The following AARS1 variants were observed in gnomAD, a reference collection of about 807,000 sequenced individuals.
AARS1 encodes alanine--tRNA ligase, cytoplasmic.
In AARS1, 72 loss-of-function variants were observed where a neutral mutation model predicts 108.9. The observed-to-expected ratio is 0.66, with a 90% CI of 0.55 to 0.80. AARS1 has a LOEUF of 0.80. Among genes scored for constraint, AARS1 ranks in the 30% least tolerant of loss-of-function variants. AARS1 has a pLI of 0.00. For synonymous variants in AARS1, 489 were observed against 465.7 expected (o/e 1.05, Z -0.64); for missense variants, 1,193 against 1,233.2 (o/e 0.97, Z 0.49).
At chr16:70,260,819 C>T (rs983354611) in intron 13 of AARS1, among the ~76,000 whole-genome samples, 2 of 152,044 alleles carry the variant, frequency 1.3e-5, no homozygotes, top group Non-Finnish European at 2.9e-5. Flanking sequence ...CCTGCCACCA[C>T]GCCCAGCTCA....
intron 20 of AARS1, 49 bp downstream of exon 20, chr16:70,253,219 C>A: frequency 6.7e-7 from 1 of 1,492,106 alleles, no homozygotes; most frequent in East Asian, 2.3e-5. Flanking sequence ...AGGCCTCAGC[C>A]AACAACCTTA....
At position 70,253,768 on chromosome 16, in the gene AARS1, G is replaced by T. The variant is rs962230274; in HGVS notation, c.2553C>A (p.Ser851Arg). 2.5e-6 allele frequency: 4 copies of T among 1,614,046 alleles called. No homozygotes were observed. The African/African-American group carries it at 5.3e-5, about 22-fold the overall frequency. The stretch of plus-strand genomic sequence containing the variant: ...GGATGACAAGAGGCTGGTTGGGGTT[G>T]CTGTCGATGAACTGCTTCGTCTTCT... Reference protein sequence around the residue: ...VLEKTKQFIDSNPNQPLVILE... With the variant: ...VLEKTKQFIDRNPNQPLVILE... The change falls in exon 19 of 21, where the codon AGC becomes AGA. Residue 851 changes from serine (S) to arginine (R), a missense_variant. Coordinates refer to ENST00000261772, the MANE Select transcript of AARS1 (RefSeq NM_001605.3).
intron 13 of AARS1, among the ~76,000 whole-genome samples, chr16:70,260,113 C>T (rs1165837170): frequency 6.6e-6 from 1 of 152,216 alleles, no homozygotes; most frequent in Non-Finnish European, 1.5e-5. Context: ...TGTTCATTTA[C>T]ATATGGTCAA....
In AARS1 at chr16:70,254,695, C is replaced by G. The variant is rs373664027; in HGVS notation, c.2326G>C (p.Val776Leu). The G allele has an allele frequency of 2.5e-6, 4 of 1,613,998 alleles. No individual in the cohort carries two copies. In the African/African-American group the frequency reaches 4.0e-5, roughly 16 times the overall value. The change falls in exon 17 of 21, where the codon GTC becomes CTC. Residue 776 changes from valine to leucine, a missense_variant. Physicochemically the swap from Val to Leu is conservative, Grantham distance 32. Transcript: ENST00000261772. ...KAESLKKCLS[V>L]MEAKVKAQTA... is the part of the protein sequence containing the mutation. Reference sequence around the variant, plus strand: ...TGAGCCTTCACTTTGGCTTCCATGACAGAGAGACATTTCTTCAAGCTCTCT... The same window carrying G: ...TGAGCCTTCACTTTGGCTTCCATGAGAGAGAGACATTTCTTCAAGCTCTCT...
At chr16:70,260,912 T>G in intron 13 of AARS1, 132 bp downstream of exon 13, 2 of 676,350 alleles carry the variant, frequency 3.0e-6, no homozygotes, top group Non-Finnish European at 5.4e-6. Flanking sequence ...TCCACCCGCC[T>G]CGGCCTCCCA....
In AARS1 at chr16:70,259,337, T is replaced by C. The variant is rs918930777; in HGVS notation, c.1786-151A>G. 4.9e-6 allele frequency: 4 copies of C among 817,580 alleles called. No individual in the cohort carries two copies. The South Asian group carries it at 6.3e-5, about 13-fold the overall frequency. The allele number at this position is 817,580 out of a possible 1,614,324, so 50.6% of individuals were successfully genotyped here. A position where few individuals can be genotyped will look rare whatever the true frequency, so the allele number is the denominator to read the frequency against. The stretch of plus-strand genomic sequence containing the variant: ...TTCCCAGCTTCCCTATGGCTAAGTG[T>C]GTCCATGTGACTAAGTTCGGGTCAA... On this transcript the variant is annotated intron_variant, in intron 13 of 20. Coordinates refer to ENST00000261772, the MANE Select transcript of AARS1 (RefSeq NM_001605.3).
At chr16:70,275,589 C>T (rs1031512863) in intron 4 of AARS1, among the ~76,000 whole-genome samples, 3 of 151,822 alleles carry the variant, frequency 2.0e-5, no homozygotes, top group East Asian at 3.9e-4. Context: ...GGTGAAACCC[C>T]GTCTCTACTA....
At position 70,277,132 on chromosome 16, in the gene AARS1, G is replaced by A. The variant is rs1301433529; in HGVS notation, c.167C>T (p.Thr56Ile). Reference sequence around the variant, plus strand: ...TGCCATGGGGTGAGATGGGTCAATTGTGTTCAGGAAAATGGGTTTAAACTA... The same window carrying A: ...TGCCATGGGGTGAGATGGGTCAATTATGTTCAGGAAAATGGGTTTAAACTA... ...MNQFKPIFLN[T>I]IDPSHPMAKL... The change falls in exon 3 of 21, where the codon ACA (threonine) becomes ATA (isoleucine). Residue 56 changes from threonine to isoleucine, a missense_variant. Physicochemically the swap from Thr to Ile is moderately conservative, Grantham distance 89. Coordinates refer to ENST00000261772, the MANE Select transcript of AARS1 (RefSeq NM_001605.3). The A allele has an allele frequency of 1.2e-6, 2 of 1,614,168 alleles. No individual in the cohort carries two copies. Among genetic ancestry groups the A allele is most frequent in the East Asian group, 4.5e-5 (2 of 44,884 alleles).
intron 1 of AARS1, among the ~76,000 whole-genome samples, chr16:70,284,816 T>C (rs1342460123): frequency 3.3e-5 from 5 of 152,180 alleles, no homozygotes; most frequent in African/African-American, 1.2e-4. Context: ...ACCGTAACCT[T>C]AATTCACTTT....
At chr16:70,264,578 A>G (rs1960220288) in intron 11 of AARS1, among the ~76,000 whole-genome samples, 1 of 151,962 alleles carries the variant, frequency 6.6e-6, no homozygotes, top group African/African-American at 2.4e-5. Flanking sequence ...CGGCCTCCCA[A>G]AGTGTTGGGA....
intron 8 of AARS1, among the ~76,000 whole-genome samples, 178 bp from the exon 9 acceptor site, chr16:70,267,987 G>A (rs2152160394): frequency 6.6e-6 from 1 of 152,316 alleles, no homozygotes; most frequent in Non-Finnish European, 1.5e-5. Context: ...GGGCAACACG[G>A]TGAAACCCTG....
At chr16:70,269,322 G>GAAAAAAAAAAAAAAAAA (rs56394253) in intron 7 of AARS1, among the ~76,000 whole-genome samples, 21 of 64,266 alleles carry the variant, frequency 3.3e-4, no homozygotes, top group African/African-American at 1.3e-3. Flanking sequence ...TTCTGTCTCA[G>GAAAAAAAAAAAAAAAAA]AAAAAAAAAA....
At chr16:70,254,156 G>C in intron 17 of AARS1, 118 bp from the exon 18 acceptor site, 1 of 1,425,612 alleles carries the variant, frequency 7.0e-7, no homozygotes. Flanking sequence ...GGAAAGCAAG[G>C]AAAGCTTTGA....
intron 9 of AARS1, among the ~76,000 whole-genome samples, chr16:70,266,327 A>T (rs1362987218): frequency 2.0e-5 from 3 of 147,690 alleles, no homozygotes; most frequent in Non-Finnish European, 3.0e-5. Flanking sequence ...AATAAAAAAT[A>T]AAAAAAAATA....
At chr16:70,262,584 T>C in intron 11 of AARS1, 60 bp from the exon 12 acceptor site, 1 of 1,516,548 alleles carries the variant, frequency 6.6e-7, no homozygotes, top group South Asian at 1.3e-5. Flanking sequence ...TCACTCCTTC[T>C]TGGCTGACTT....
chr16:70,257,961 C>A, intron 15 of AARS1, 72 bp downstream of exon 15: 1 of 1,559,568 alleles, frequency 6.4e-7, no homozygotes, highest in Non-Finnish European at 8.8e-7. Flanking sequence ...AAGAGTTGGT[C>A]CAGCCTAAGA....
chr16:70,259,094 G>A lies in AARS1; in HGVS notation c.1878C>T (p.Gly626=), dbSNP rs752673097. The part of the protein sequence containing the change: ...RSVLGEADQK[G]SLVAPDRLRF... ...TGAGGCGGTCAGGAGCAACCAATGA[G>A]CCTTTCTGGTCAGCTTCCCCAAGCA... Residue 626 remains glycine (G), a synonymous_variant, in exon 14 of 21, where the codon GGC becomes GGT. Transcript: ENST00000261772. The A allele has an allele frequency of 8.1e-6, 13 of 1,614,092 alleles. No individual in the cohort carries two copies. The African/African-American group carries it at 1.6e-4, about 20-fold the overall frequency.
rs71928705 is a variant in AARS1 at position 70,272,889 on chromosome 16, GACACACACAC to G, written c.480-927_480-918del. On this transcript the variant is annotated intron_variant, in intron 4 of 20. Transcript: ENST00000261772. Reference sequence around the variant, plus strand: ...CATGCCACTGCACTCCAGCCTGGGTGACACACACACACACACACACACACACACACACACA... The same window carrying G: ...CATGCCACTGCACTCCAGCCTGGGTGACACACACACACACACACACACACA... Among the ~76,000 whole-genome samples, 25 of 140,382 alleles carry G rather than the reference GACACACACAC, an allele frequency of 1.8e-4. 1 individual carries two copies. Among genetic ancestry groups the G allele is most frequent in the African/African-American group, 6.5e-4 (23 of 35,566 alleles). 92.1% of individuals were successfully genotyped at this position (140,382 alleles called of 152,430 possible).
At chr16:70,262,601 G>C in intron 11 of AARS1, 77 bp from the exon 12 acceptor site, 3 of 1,436,770 alleles carry the variant, frequency 2.1e-6, no homozygotes, top group Non-Finnish European at 2.8e-6. Flanking sequence ...ACTTTTGCTG[G>C]ATTCTCTTTC....
Sources: allele counts gnomAD v4.1 joint callset (sites outside exome capture counted in the v4.1 genomes callset), GRCh38; gene constraint gnomAD v4.1.1; transcripts MANE v1.5; gene names NCBI Gene and HGNC (gene_info 2026-07-23, HGNC 2026-07-21).